The following HPN variants were observed in gnomAD, a reference collection of about 807,000 sequenced individuals.
HPN encodes serine protease hepsin.
In HPN, 13 loss-of-function variants were observed where a neutral mutation model predicts 55.9. The ratio of observed to expected loss-of-function variants is 0.23; its 90% CI spans 0.15 to 0.37. The LOEUF (loss-of-function observed/expected upper bound fraction) is 0.37. HPN is among the 10% of genes least tolerant of loss of function. The pLI, the probability that HPN is intolerant of heterozygous loss-of-function variation, is 1.00. For synonymous variants in HPN, 225 were observed against 240.3 expected, an observed-to-expected ratio of 0.94 and a Z score of 0.59; for missense variants, 451 against 575.8, an observed-to-expected ratio of 0.78 and a Z score of 2.22.
chr19:35,042,636 A>G (rs2064305734), intron 2 of HPN, 114 bp downstream of exon 2: 1 of 684,632 alleles, frequency 1.5e-6, no homozygotes, highest in South Asian at 1.7e-5. Flanking sequence ...CCCCTCCCAG[A>G]TGCATCCCCA....
intron 4 of HPN, among the ~76,000 whole-genome samples, chr19:35,052,767 A>G (rs1011888391): frequency 2.0e-5 from 3 of 152,030 alleles, no homozygotes; most frequent in Non-Finnish European, 4.4e-5. Context: ...GAAGGCAGGG[A>G]CCTTTTGTGG....
intron 2 of HPN, among the ~76,000 whole-genome samples, chr19:35,048,879 G>A (rs1020052553): frequency 4.6e-5 from 7 of 152,306 alleles, no homozygotes; most frequent in South Asian, 2.1e-4. Flanking sequence ...CTGAGGCAGC[G>A]AGGAAATGCC....
At chr19:35,065,703 G>A in intron 11 of HPN, 22 bp downstream of exon 11, 1 of 1,613,246 alleles carries the variant, frequency 6.2e-7, no homozygotes, top group Non-Finnish European at 8.5e-7. Flanking sequence ...TGTAGGGGCA[G>A]CCCCCTGGTC....
At position 35,042,987 on chromosome 19, in the gene HPN, C is replaced by T. The variant is rs143791552; in HGVS notation, c.16+465C>T. On this transcript the variant is annotated intron_variant, in intron 2 of 12. Transcript: ENST00000672452. ...GGGTCAAGCATGGATACCAGTCCTC[C>T]CTCTGTGAGGTTGCTGAGTGCATGA... Among the ~76,000 whole-genome samples the T allele has an allele frequency of 1.7e-4, 26 of 152,254 alleles. No homozygotes were observed. The East Asian group carries it at 4.6e-3, about 27-fold the overall frequency.
chr19:35,047,989 CA>C (rs1226688861), intron 2 of HPN, among the ~76,000 whole-genome samples: 252 of 38,020 alleles, frequency 6.6e-3, no homozygotes, highest in Middle Eastern at 0.043. Flanking sequence ...AACCCTGTCT[CA>C]AAAAAAAAAA....
chr19:35,043,308 G>C (rs1216465069), intron 2 of HPN, among the ~76,000 whole-genome samples: 1 of 152,198 alleles, frequency 6.6e-6, no homozygotes, highest in Non-Finnish European at 1.5e-5. Flanking sequence ...AGCTAGCCTG[G>C]CTTCCTTTCT....
chr19:35,049,858 T>C (rs986119841), intron 4 of HPN, among the ~76,000 whole-genome samples: 1 of 86,870 alleles, frequency 1.2e-5, no homozygotes, highest in Non-Finnish European at 2.3e-5. Flanking sequence ...CTAATTTTTG[T>C]TTGTTTTTTT....
At chr19:35,053,364 A>G (rs2064423127) in intron 4 of HPN, among the ~76,000 whole-genome samples, 1 of 152,172 alleles carries the variant, frequency 6.6e-6, no homozygotes, top group Non-Finnish European at 1.5e-5. Context: ...TGGTGTTTCA[A>G]ACTCCAAGCC....
At chr19:35,041,525 C>G (rs2064293109), upstream of HPN, 1 of 587,160 alleles carries the variant, frequency 1.7e-6, no homozygotes, top group South Asian at 7.4e-5. Context: ...CCAGGCCTGT[C>G]CCTGTTCCCA....
rs932176338 is a variant in HPN at position 35,066,384 on chromosome 19, C to G, written c.*97C>G. 1 of 1,487,264 alleles carries G rather than the reference C, an allele frequency of 6.7e-7. No individual in the cohort carries two copies. Among genetic ancestry groups the G allele is most frequent in the East Asian group, 2.5e-5 (1 of 40,448 alleles). The allele number at this position is 1,487,264 out of a possible 1,614,324, so 92.1% of individuals were successfully genotyped here. A position where few individuals can be genotyped will look rare whatever the true frequency, so the allele number is the denominator to read the frequency against. Reference sequence around the variant, plus strand: ...GATGGGACGTTTTTCTTCTTGGGCCCGGTCCACAGGTCCAAGGACACCCTC... The same window carrying G: ...GATGGGACGTTTTTCTTCTTGGGCCGGGTCCACAGGTCCAAGGACACCCTC... On this transcript the variant is annotated 3_prime_UTR_variant, in exon 13 of 13. Coordinates refer to ENST00000672452, the MANE Select transcript of HPN (RefSeq NM_001384133.1).
chr19:35,059,481 TTA>T, intron 4 of HPN, 190 bp from the exon 5 acceptor site: 2 of 755,950 alleles, frequency 2.6e-6, no homozygotes, highest in Non-Finnish European at 4.6e-6. Flanking sequence ...GACCCTGTCT[TTA>T]AAAAAAAAAA....
Position 35,041,736 on chromosome 19 carries a change from C to G in HPN, c.-191C>G. The stretch of plus-strand genomic sequence containing the variant: ...CTCCTCCTCAGGTGAGGCAGCCTGG[C>G]CTAGCAGGCCCCACGCCACCGCCTC... On this transcript the variant is annotated 5_prime_UTR_variant, in exon 1 of 13. Coordinates refer to ENST00000672452, the MANE Select transcript of HPN (RefSeq NM_001384133.1). 1.6e-6 allele frequency: 2 copies of G among 1,232,658 alleles called. No homozygotes were observed. Among genetic ancestry groups the G allele is most frequent in the Non-Finnish European group, 2.1e-6 (2 of 964,426 alleles). 76.4% of individuals were successfully genotyped at this position (1,232,658 alleles called of 1,614,324 possible).
At chr19:35,050,179 A>G (rs142127775) in intron 4 of HPN, among the ~76,000 whole-genome samples, 122 of 152,224 alleles carry the variant, frequency 8.0e-4, no homozygotes, top group South Asian at 3.3e-3. Flanking sequence ...CTAGAGTGCA[A>G]TGGTGCAGTC....
chr19:35,048,669 A>G lies in HPN; in HGVS notation c.17-621A>G, dbSNP rs372841079. Among the ~76,000 whole-genome samples, 187 of 152,276 alleles carry G rather than the reference A, an allele frequency of 1.2e-3. 2 individuals are homozygous for G. In the South Asian group the frequency reaches 0.023, roughly 18 times the overall value. On this transcript the variant is annotated intron_variant, in intron 2 of 12. Transcript: ENST00000672452. ...AGCATTTTGGGAGGCTGAGGAAGGA[A>G]GATCGCTTCAGCCCAGGAGTTTGAG...
At chr19:35,065,200 C>A in intron 9 of HPN, 50 bp from the exon 10 acceptor site, 1 of 1,348,482 alleles carries the variant, frequency 7.4e-7, no homozygotes, top group Non-Finnish European at 1.0e-6. Context: ...GAGGTTTGTA[C>A]CAGGTGGGGC....
upstream of HPN, chr19:35,041,638 A>G: frequency 8.7e-7 from 1 of 1,152,876 alleles, no homozygotes; most frequent in Non-Finnish European, 1.1e-6. Context: ...CCCATCAGCC[A>G]GGTGGCCTCC....
chr19:35,042,119 C>G, intron 1 of HPN: 1 of 1,100,656 alleles, frequency 9.1e-7, no homozygotes, highest in East Asian at 8.3e-5. Context: ...CTCCCTCATA[C>G]TAGGGAGTCC....
chr19:35,045,294 G>T (rs752533358), intron 2 of HPN, among the ~76,000 whole-genome samples: 1 of 152,064 alleles, frequency 6.6e-6, no homozygotes, highest in Non-Finnish European at 1.5e-5. Context: ...GGTAGAGGGT[G>T]GGTGAAGACA....
In HPN at chr19:35,041,873, G is replaced by A; in HGVS notation, c.-55+1G>A. 3 of 1,340,270 alleles carry A rather than the reference G, an allele frequency of 2.2e-6. No individual in the cohort carries two copies. Among genetic ancestry groups the A allele is most frequent in the Non-Finnish European group, 2.0e-6 (2 of 1,016,994 alleles). 83.0% of individuals were successfully genotyped at this position (1,340,270 alleles called of 1,614,324 possible). ...CCGCCCCCACCTGCTGGACCCCAGG[G>A]TAAGGACAAGGGCCCCCAGACTCAC... On this transcript the variant is annotated splice_donor_variant, in intron 1 of 12. Transcript: ENST00000672452. LOFTEE classifies it low-confidence loss of function (5UTR_SPLICE).
Sources: allele counts gnomAD v4.1 joint callset (sites outside exome capture counted in the v4.1 genomes callset), GRCh38; gene constraint gnomAD v4.1.1; transcripts MANE v1.5; gene names NCBI Gene and HGNC (gene_info 2026-07-23, HGNC 2026-07-21).